ATG7: variants seen among roughly 807,000 people sequenced by gnomAD.
ATG7 encodes autophagy related 7, also known as ubiquitin-like modifier-activating enzyme ATG7.
In ATG7, 70 loss-of-function variants were observed where a neutral mutation model predicts 82.4. That is an observed-to-expected ratio of 0.85 (90% CI 0.70 to 1.04). The LOEUF (loss-of-function observed/expected upper bound fraction) is 1.04. Among genes scored for constraint, ATG7 ranks in the 50% least tolerant of loss-of-function variants. The pLI, the probability that ATG7 is intolerant of heterozygous loss-of-function variation, is 0.00. For missense variants in ATG7, 792 were observed against 864.3 expected (o/e 0.92, Z 1.05); for synonymous variants, 287 against 313.0 (o/e 0.92, Z 0.88).
chr3:11,401,096 A>G (rs1336759020), intron 19 of ATG7, among the ~76,000 whole-genome samples: 1 of 152,176 alleles, frequency 6.6e-6, no homozygotes, highest in African/African-American at 2.4e-5. Context: ...CATCAGTGCC[A>G]TTTGGGAACT....
At chr3:11,461,417 G>T (rs182813937) in intron 20 of ATG7, among the ~76,000 whole-genome samples, 4 of 152,072 alleles carry the variant, frequency 2.6e-5, no homozygotes, top group Non-Finnish European at 5.9e-5. Context: ...GAATTTCCAC[G>T]GCGTCTTTTC....
At chr3:11,550,497 G>A (rs1174458001) in intron 20 of ATG7, among the ~76,000 whole-genome samples, 1 of 152,004 alleles carries the variant, frequency 6.6e-6, no homozygotes, top group East Asian at 1.9e-4. Flanking sequence ...TACCTCCCAA[G>A]CTCACACCAT....
In ATG7 at chr3:11,371,558, C is replaced by A. The variant is rs570433028; in HGVS notation, c.1875+6824C>A. ...CGTTTGGTCTTAAATCAGAAGACAG[C>A]CTAATCCAGGGATTCCCATACCTGG... On this transcript the variant is annotated intron_variant, in intron 18 of 20. Transcript: ENST00000693202. Among the ~76,000 whole-genome samples the A allele has an allele frequency of 1.6e-3, 235 of 150,950 alleles. 8 individuals carry two copies. Among genetic ancestry groups the A allele is most frequent in the Non-Finnish European group, 2.1e-3 (143 of 67,700 alleles).
intron 19 of ATG7, among the ~76,000 whole-genome samples, chr3:11,383,873 CT>C (rs201989333): frequency 0.017 from 2,634 of 152,230 alleles, 39 homozygotes; most frequent in African/African-American, 0.026. Flanking sequence ...GTGCATAGTT[CT>C]TTTTTTCCTA....
intron 20 of ATG7, among the ~76,000 whole-genome samples, chr3:11,427,367 G>T (rs961767791): frequency 2.0e-5 from 3 of 151,984 alleles, no homozygotes; most frequent in African/African-American, 4.8e-5. Context: ...TTCACGATTT[G>T]ATCAGTCTTC....
intron 19 of ATG7, among the ~76,000 whole-genome samples, chr3:11,416,228 T>A (rs961131041): frequency 6.6e-6 from 1 of 152,216 alleles, no homozygotes; most frequent in African/African-American, 2.4e-5. Flanking sequence ...TAGAATGAAT[T>A]AGGAAGTATT....
chr3:11,475,870 C>CACACAT (rs1553687242), intron 20 of ATG7, among the ~76,000 whole-genome samples: 3 of 137,272 alleles, frequency 2.2e-5, no homozygotes, highest in Non-Finnish European at 4.7e-5. Flanking sequence ...GTCTCTGAGA[C>CACACAT]ACACACACAC....
intron 20 of ATG7, among the ~76,000 whole-genome samples, chr3:11,545,731 C>T (rs986506944): frequency 1.8e-4 from 28 of 152,328 alleles, no homozygotes; most frequent in African/African-American, 5.5e-4. Context: ...GCCCCCCTGG[C>T]GGTTCTTCCT....
intron 3 of ATG7, among the ~76,000 whole-genome samples, chr3:11,289,274 CTCTG>C (rs1944568918): frequency 1.3e-5 from 2 of 152,160 alleles, no homozygotes. Context: ...ACATGAATAA[CTCTG>C]TCTATGACTC....
intron 19 of ATG7, among the ~76,000 whole-genome samples, chr3:11,386,831 C>T (rs1351797516): frequency 6.6e-6 from 1 of 152,164 alleles, no homozygotes; most frequent in Non-Finnish European, 1.5e-5. Context: ...CTCCAATCTC[C>T]AGAACTGCTT....
At chr3:11,376,862 C>T (rs1208713748) in intron 18 of ATG7, among the ~76,000 whole-genome samples, 1 of 152,170 alleles carries the variant, frequency 6.6e-6, no homozygotes, top group East Asian at 1.9e-4. Context: ...CCTCAGCCTC[C>T]CGAGTAGCTG....
At chr3:11,335,445 C>G (rs1294610565) in intron 11 of ATG7, among the ~76,000 whole-genome samples, 3 of 152,106 alleles carry the variant, frequency 2.0e-5, no homozygotes, top group Non-Finnish European at 4.4e-5. Context: ...TGTGTTGGGC[C>G]ACACTCAAAG....
chr3:11,360,498 A>G (rs878960518), intron 15 of ATG7, 83 bp from the exon 16 acceptor site: 1 of 1,398,738 alleles, frequency 7.1e-7, no homozygotes, highest in East Asian at 2.3e-5. Flanking sequence ...TAAATTTTAA[A>G]AAGTTGAGCA....
intron 3 of ATG7, among the ~76,000 whole-genome samples, chr3:11,296,603 C>T (rs770214979): frequency 6.6e-6 from 1 of 152,208 alleles, no homozygotes; most frequent in African/African-American, 2.4e-5. Flanking sequence ...CTCCAAAATT[C>T]GTTAGCCTCA....
At chr3:11,347,827 C>T (rs763892973) in intron 13 of ATG7, 50 bp from the exon 14 acceptor site, 6 of 1,576,414 alleles carry the variant, frequency 3.8e-6, no homozygotes, top group Non-Finnish European at 5.2e-6. Context: ...GAGACAGCAC[C>T]CTGTGAAATG....
the ATG7 span, among the ~76,000 whole-genome samples, chr3:11,572,815 T>C: frequency 6.6e-6 from 1 of 152,174 alleles, no homozygotes; most frequent in African/African-American, 2.4e-5. Flanking sequence ...CACCACTGCA[T>C]ATGTACCCGT....
intron 19 of ATG7, among the ~76,000 whole-genome samples, chr3:11,394,231 G>A (rs1408393160): frequency 6.6e-6 from 1 of 152,118 alleles, no homozygotes; most frequent in Non-Finnish European, 1.5e-5. Context: ...TCACCTTGGG[G>A]CAGTTATTGC....
chr3:11,308,990 G>A lies in ATG7; in HGVS notation c.340G>A (p.Glu114Lys). 1 of 1,613,510 alleles carries A rather than the reference G, an allele frequency of 6.2e-7. No homozygotes were observed. The highest frequency in any genetic ancestry group is 8.5e-7 in the Non-Finnish European group (1 of 1,179,422). Reference sequence around the variant, plus strand: ...GCTTTTCTTCTTCTTGCAGATATGGGAATCCATAAAATCAGGCACTGCTCT... The same window carrying A: ...GCTTTTCTTCTTCTTGCAGATATGGAAATCCATAAAATCAGGCACTGCTCT... ...LLEQAANEIWESIKSGTALEN... is the reference protein window; with the variant it reads ...LLEQAANEIWKSIKSGTALEN... Residue 114 changes from glutamate (E) to lysine (K), a missense_variant, in exon 7 of 21, where the codon GAA (glutamate) becomes AAA (lysine). Physicochemically the swap from Glu to Lys is moderately conservative, Grantham distance 56 (BLOSUM62 1). Coordinates refer to ENST00000693202, the MANE Select transcript of ATG7 (RefSeq NM_001349232.2).
chr3:11,372,838 G>A (rs866920663), intron 18 of ATG7, among the ~76,000 whole-genome samples: 4 of 112,580 alleles, frequency 3.6e-5, no homozygotes, highest in South Asian at 2.8e-4. Context: ...GTGTGTGTGC[G>A]TGCGTGCGTG....
Sources: gnomAD v4.1 joint callset for allele counts (sites outside exome capture counted in the v4.1 genomes callset) on GRCh38, gnomAD v4.1.1 for gene constraint, MANE v1.5 for transcripts, NCBI Gene and HGNC (gene_info 2026-07-23, HGNC 2026-07-21) for gene names.